Variants in FAM117A observed in about 807,000 individuals in gnomAD.
FAM117A encodes family with sequence similarity 117 member A.
A neutral mutation model predicts 44.1 loss-of-function variants in FAM117A; 21 were observed. The observed-to-expected ratio is 0.48, with a 90% CI of 0.34 to 0.69. The LOEUF (loss-of-function observed/expected upper bound fraction) is 0.69. Ranked by LOEUF, FAM117A falls within the 30% of genes least tolerant of loss-of-function variation. The probability of loss-of-function intolerance (pLI) is 0.01; values close to 1 mark genes in which losing one functional copy is unlikely to be tolerated. For missense variants in FAM117A, 498 were observed against 589.9 expected (o/e 0.84, Z 1.61); for synonymous variants, 220 against 238.3 (o/e 0.92, Z 0.71).
chr17:49,782,521 C>G (rs188660500), intron 1 of FAM117A, among the ~76,000 whole-genome samples: 16 of 150,804 alleles, frequency 1.1e-4, no homozygotes, highest in African/African-American at 3.7e-4. Flanking sequence ...GAAATGCTGT[C>G]TCTACTAAAG....
rs536293737 is a variant in FAM117A, at chr17:49,772,700, C to T, written c.-621+15797G>A. Reference sequence around the variant, plus strand: ...CTGGGAGGGAGAGGCTGCAGTGAGCCGAGATCATGCCACTGCACTCCAGCC... The same window carrying T: ...CTGGGAGGGAGAGGCTGCAGTGAGCTGAGATCATGCCACTGCACTCCAGCC... On this transcript the variant is annotated intron_variant, in intron 1 of 7. Coordinates refer to the FAM117A transcript ENST00000513602. Among the ~76,000 whole-genome samples the T allele has an allele frequency of 1.2e-4, 18 of 151,078 alleles. No individual in the cohort carries two copies. In the South Asian group the frequency reaches 3.8e-3, roughly 32 times the overall value.
At chr17:49,758,521 G>C (rs1475799093) in intron 1 of FAM117A, among the ~76,000 whole-genome samples, 1 of 149,020 alleles carries the variant, frequency 6.7e-6, no homozygotes, top group Non-Finnish European at 1.5e-5. Context: ...CTACTTGGGA[G>C]GCTGAGGCAG....
At chr17:49,762,060 T>G (rs1410644200) in intron 1 of FAM117A, among the ~76,000 whole-genome samples, 1 of 152,234 alleles carries the variant, frequency 6.6e-6, no homozygotes, top group African/African-American at 2.4e-5. Context: ...CCTCTGGCTC[T>G]ATAAAAGGAG....
At chr17:49,742,514 G>A (rs1160778250) in intron 1 of FAM117A, among the ~76,000 whole-genome samples, 1 of 152,184 alleles carries the variant, frequency 6.6e-6, no homozygotes, top group Non-Finnish European at 1.5e-5. Context: ...CCTTTTATCT[G>A]AATTCTCTGA....
chr17:49,714,400 C>T (rs1157795851), intron 7 of FAM117A, among the ~76,000 whole-genome samples: 4 of 148,484 alleles, frequency 2.7e-5, no homozygotes, highest in East Asian at 2.0e-4. Context: ...TGTAGTGGTG[C>T]GATCTCAGCT....
intron 7 of FAM117A, among the ~76,000 whole-genome samples, chr17:49,712,232 G>A (rs2073482249): frequency 6.6e-6 from 1 of 152,214 alleles, no homozygotes; most frequent in Non-Finnish European, 1.5e-5. Context: ...AAAGCCAAGT[G>A]ACTAAAGTGG....
intron 7 of FAM117A, among the ~76,000 whole-genome samples, chr17:49,715,263 A>C (rs2073496796): frequency 6.6e-6 from 1 of 152,138 alleles, no homozygotes; most frequent in Non-Finnish European, 1.5e-5. Flanking sequence ...TGTAACTCCT[A>C]CTGTGGCTTC....
At chr17:49,740,858 A>G (rs1282952932) in intron 1 of FAM117A, among the ~76,000 whole-genome samples, 1 of 152,206 alleles carries the variant, frequency 6.6e-6, no homozygotes, top group African/African-American at 2.4e-5. Flanking sequence ...AAGGGCAGGA[A>G]TGGCATTAGA....
chr17:49,777,898 T>C (rs961536660), intron 1 of FAM117A, among the ~76,000 whole-genome samples: 1 of 152,218 alleles, frequency 6.6e-6, no homozygotes, highest in Admixed American at 6.5e-5. Context: ...CAACAGGGTC[T>C]GTGCCCAAGA....
intron 6 of FAM117A, among the ~76,000 whole-genome samples, chr17:49,716,517 GA>G (rs2073504283): frequency 6.6e-6 from 1 of 152,196 alleles, no homozygotes; most frequent in Admixed American, 6.5e-5. Flanking sequence ...TAACAGAACA[GA>G]AAAACGGAGT....
intron 1 of FAM117A, among the ~76,000 whole-genome samples, chr17:49,757,718 T>C (rs2073704370): frequency 6.6e-6 from 1 of 152,222 alleles, no homozygotes; most frequent in African/African-American, 2.4e-5. Flanking sequence ...GGATTTGTTT[T>C]TGACCTAATA....
Position 49,732,650 on chromosome 17 carries a change from T to C in FAM117A, c.267A>G (p.Thr89=), listed in dbSNP as rs1598024812. The C allele has an allele frequency of 1.2e-6, 2 of 1,614,132 alleles. No individual in the cohort carries two copies. Among genetic ancestry groups the C allele is most frequent in the Admixed American group, 1.7e-5 (1 of 60,006 alleles). The change falls in exon 2 of 8, where the codon ACA becomes ACG. Residue 89 remains threonine, a synonymous_variant. Transcript: ENST00000240364. The part of the protein sequence containing the change: ...CRPQPLQVRR[T]FSLDTILSSY... ...AGCTGAGGATGGTGTCCAGGGAGAA[T>C]GTACGCCGGACCTGAAGTGGCTGAG...
intron 1 of FAM117A, chr17:49,773,509 G>T (rs1248862965): frequency 1.3e-5 from 2 of 149,850 alleles, no homozygotes; most frequent in African/African-American, 4.9e-5. Context: ...TTATATTGTA[G>T]ATATAAATTG....
chr17:49,735,449 A>G (rs375573455), intron 1 of FAM117A, among the ~76,000 whole-genome samples: 2 of 152,154 alleles, frequency 1.3e-5, no homozygotes, highest in Non-Finnish European at 2.9e-5. Flanking sequence ...AAGCATTTAC[A>G]TACATTTTGC....
chr17:49,735,182 A>G (rs1478346914), intron 1 of FAM117A, among the ~76,000 whole-genome samples: 1 of 151,990 alleles, frequency 6.6e-6, no homozygotes, highest in Non-Finnish European at 1.5e-5. Context: ...TTACTACAAT[A>G]AAAAAAAGGA....
At chr17:49,723,631 C>T (rs2073545521) in intron 2 of FAM117A, among the ~76,000 whole-genome samples, 1 of 152,188 alleles carries the variant, frequency 6.6e-6, no homozygotes, top group Admixed American at 6.5e-5. Context: ...CTGACCTCCC[C>T]CGAGAGGTTG....
intron 1 of FAM117A, among the ~76,000 whole-genome samples, chr17:49,772,897 C>T (rs1019226078): frequency 6.6e-5 from 10 of 151,898 alleles, no homozygotes; most frequent in African/African-American, 2.2e-4. Flanking sequence ...TATGGCCAGG[C>T]GCGGTGGCTC....
intron 1 of FAM117A, among the ~76,000 whole-genome samples, chr17:49,760,419 T>C (rs2073718282): frequency 6.6e-6 from 1 of 152,132 alleles, no homozygotes; most frequent in Non-Finnish European, 1.5e-5. Flanking sequence ...AACTCTTCAC[T>C]CCACCACCGA....
intron 7 of FAM117A, among the ~76,000 whole-genome samples, chr17:49,713,509 T>G (rs1284329704): frequency 6.6e-6 from 1 of 151,994 alleles, no homozygotes. Context: ...GATAAATTGG[T>G]TACCATCTTT....
Sources: allele counts gnomAD v4.1 joint callset (sites outside exome capture counted in the v4.1 genomes callset), GRCh38; gene constraint gnomAD v4.1.1; transcripts MANE v1.5; gene names NCBI Gene and HGNC (gene_info 2026-07-23, HGNC 2026-07-21).